The following UBXN2A variants were observed in gnomAD, a reference collection of about 807,000 sequenced individuals.
UBXN2A encodes the protein UBX domain protein 2A.
A neutral mutation model predicts 28.4 loss-of-function variants in UBXN2A; 28 were observed. That is an observed-to-expected ratio of 0.99 (90% CI 0.73 to 1.35). The LOEUF is 1.35. Ranked by LOEUF, UBXN2A falls within the 40% of genes most tolerant of loss-of-function variation. The probability of loss-of-function intolerance (pLI) is 0.00; values close to 1 mark genes in which losing one functional copy is unlikely to be tolerated. For synonymous variants in UBXN2A, 97 were observed against 103.6 expected (o/e 0.94, Z 0.39); for missense variants, 253 against 297.9 (o/e 0.85, Z 1.11).
intron 6 of UBXN2A, among the ~76,000 whole-genome samples, chr2:23,987,717 G>A (rs1436926135): frequency 6.6e-6 from 1 of 150,400 alleles, no homozygotes; most frequent in African/African-American, 2.5e-5. Flanking sequence ...GGTGGAGCTT[G>A]CATTAAGCCG....
chr2:23,968,402 C>T (rs1258639991), intron 2 of UBXN2A, among the ~76,000 whole-genome samples: 6 of 152,030 alleles, frequency 3.9e-5, no homozygotes, highest in African/African-American at 9.7e-5. Context: ...CTTTGCCGGG[C>T]GTGGTGGCTC....
chr2:23,941,857 G>C (rs1204846833), intron 1 of UBXN2A, among the ~76,000 whole-genome samples: 1 of 152,162 alleles, frequency 6.6e-6, no homozygotes, highest in Non-Finnish European at 1.5e-5. Context: ...CAGATCACCT[G>C]AGGTCAGCAG....
upstream of UBXN2A, chr2:23,927,296 A>AC (rs1558824720): frequency 1.3e-5 from 2 of 152,308 alleles, no homozygotes; most frequent in Non-Finnish European, 2.9e-5. Context: ...GCTCTCCCCG[A>AC]CCGCAGGGCT....
chr2:23,977,594 T>A (rs538101309), intron 4 of UBXN2A, among the ~76,000 whole-genome samples: 44 of 152,120 alleles, frequency 2.9e-4, no homozygotes, highest in African/African-American at 1.0e-3. Flanking sequence ...TGGGCCAAGA[T>A]TGCACCATTG....
At chr2:23,941,840 A>G (rs1351633535) in intron 1 of UBXN2A, among the ~76,000 whole-genome samples, 1 of 152,188 alleles carries the variant, frequency 6.6e-6, no homozygotes, top group Non-Finnish European at 1.5e-5. Context: ...TGAAAGGCTG[A>G]GGTGGGCAGA....
In UBXN2A at chr2:23,951,798, G is replaced by C. The variant is rs527432171; in HGVS notation, c.-14-6503G>C. ...AGAAACAAATGAGTCAAGCTGATCTGAATGGTCAGGGTGGGTGTTTATATT... is the reference window on the plus strand; with the variant it reads ...AGAAACAAATGAGTCAAGCTGATCTCAATGGTCAGGGTGGGTGTTTATATT... On this transcript the variant is annotated intron_variant, in intron 1 of 6. Transcript: ENST00000309033. Among the ~76,000 whole-genome samples the C allele has an allele frequency of 7.9e-5, 12 of 152,198 alleles. No homozygotes were observed. In the South Asian group the frequency reaches 1.7e-3, roughly 21 times the overall value.
Position 24,002,102 on chromosome 2 carries a change from CTCTA to C in UBXN2A, c.*2241_*2244del, listed in dbSNP as rs916382396. The C allele has an allele frequency of 1.3e-5, 2 of 152,102 alleles. No homozygotes were observed. Among genetic ancestry groups the C allele is most frequent in the Non-Finnish European group, 2.9e-5 (2 of 68,062 alleles). 9.4% of individuals were successfully genotyped at this position (152,102 alleles called of 1,614,324 possible). A position where few individuals can be genotyped will look rare whatever the true frequency, so the allele number is the denominator to read the frequency against. On this transcript the variant is annotated 3_prime_UTR_variant, in exon 7 of 7. Transcript: ENST00000309033. ...GACCAGCCTGGGCAACAAGGCAAAACTCTATCTATAAAAATTACAAAAATTAGTG... is the reference window on the plus strand; with the variant it reads ...GACCAGCCTGGGCAACAAGGCAAAACTCTATAAAAATTACAAAAATTAGTG...
chr2:23,939,313 CTA>C (rs775238230), upstream of UBXN2A, among the ~76,000 whole-genome samples: 8 of 152,140 alleles, frequency 5.3e-5, no homozygotes, highest in Non-Finnish European at 1.2e-4. Context: ...GGGAAAGAAA[CTA>C]TTGCAACTGA....
intron 2 of UBXN2A, among the ~76,000 whole-genome samples, chr2:23,964,260 G>T (rs1707067822): frequency 6.6e-6 from 1 of 151,544 alleles, no homozygotes; most frequent in Non-Finnish European, 1.5e-5. Context: ...GCCCAGGCTG[G>T]AGTGCAATGG....
intron 1 of UBXN2A, among the ~76,000 whole-genome samples, chr2:23,955,208 G>A (rs766363846): frequency 6.6e-6 from 1 of 152,096 alleles, no homozygotes; most frequent in Non-Finnish European, 1.5e-5. Flanking sequence ...TGGGATTACA[G>A]GCGTGAGCCA....
At chr2:23,991,749 G>A (rs1708361841) in intron 6 of UBXN2A, among the ~76,000 whole-genome samples, 1 of 151,946 alleles carries the variant, frequency 6.6e-6, no homozygotes, top group African/African-American at 2.4e-5. Flanking sequence ...TGGGATTACA[G>A]GCGTGAGCCA....
chr2:23,983,453 G>A (rs1057110471), intron 5 of UBXN2A, among the ~76,000 whole-genome samples: 4 of 152,200 alleles, frequency 2.6e-5, no homozygotes, highest in Admixed American at 2.6e-4. Context: ...ATTGCGGTGA[G>A]CCGAGATCGC....
chr2:23,967,947 G>A (rs999738589), intron 2 of UBXN2A, among the ~76,000 whole-genome samples: 3 of 150,602 alleles, frequency 2.0e-5, no homozygotes, highest in Admixed American at 6.6e-5. Context: ...TTTTTTAAGA[G>A]ATGAGGTCTC....
intron 1 of UBXN2A, among the ~76,000 whole-genome samples, chr2:23,946,599 G>T (rs1260186044): frequency 6.6e-6 from 1 of 152,056 alleles, no homozygotes; most frequent in African/African-American, 2.4e-5. Context: ...GAGATTACGG[G>T]CATGAGCCAC....
intron 6 of UBXN2A, among the ~76,000 whole-genome samples, chr2:23,989,917 T>C (rs1708289302): frequency 6.6e-6 from 1 of 152,056 alleles, no homozygotes. Context: ...AAAATATCTA[T>C]ATAAGGATTG....
intron 4 of UBXN2A, among the ~76,000 whole-genome samples, chr2:23,981,814 G>A (rs1218807606): frequency 6.6e-6 from 1 of 151,622 alleles, no homozygotes; most frequent in Non-Finnish European, 1.5e-5. Context: ...CTTCAGCCCA[G>A]GAGGTCAAGG....
chr2:23,960,197 A>C (rs1449937746), intron 2 of UBXN2A, among the ~76,000 whole-genome samples: 1 of 152,052 alleles, frequency 6.6e-6, no homozygotes, highest in Non-Finnish European at 1.5e-5. Context: ...TGGAGCTTGC[A>C]GTGAGTCGAG....
intron 6 of UBXN2A, among the ~76,000 whole-genome samples, chr2:23,995,357 C>T (rs1708488093): frequency 6.6e-6 from 1 of 152,048 alleles, no homozygotes; most frequent in Admixed American, 6.6e-5. Context: ...TCAGTGCTTT[C>T]ACATAGCGCT....
At chr2:23,990,535 G>T (rs550811716) in intron 6 of UBXN2A, among the ~76,000 whole-genome samples, 1 of 145,378 alleles carries the variant, frequency 6.9e-6, no homozygotes, top group African/African-American at 2.5e-5. Flanking sequence ...GGGAGGCCGG[G>T]GGGGCGGGGG....
Sources: gnomAD v4.1 joint callset for allele counts (sites outside exome capture counted in the v4.1 genomes callset) on GRCh38, gnomAD v4.1.1 for gene constraint, MANE v1.5 for transcripts, NCBI Gene and HGNC (gene_info 2026-07-23, HGNC 2026-07-21) for gene names.